PPFIA2: variants seen among roughly 807,000 people sequenced by gnomAD.
The protein encoded by PPFIA2 is liprin-alpha-2.
A neutral mutation model predicts 175.5 loss-of-function variants in PPFIA2; 46 were observed. The ratio of observed to expected loss-of-function variants is 0.26; its 90% confidence interval spans 0.21 to 0.34. The LOEUF is 0.34. PPFIA2 is among the 10% of genes least tolerant of loss of function. PPFIA2 has a pLI of 1.00. For synonymous variants in PPFIA2, 568 were observed against 511.4 expected, an observed-to-expected ratio of 1.11 and a Z score of -1.49; for missense variants, 1,179 against 1,506.1, an observed-to-expected ratio of 0.78 and a Z score of 3.60.
chr12:81,471,857 G>A (rs2056785811), intron 4 of PPFIA2, among the ~76,000 whole-genome samples: 1 of 152,204 alleles, frequency 6.6e-6, no homozygotes. Flanking sequence ...ACAGGTACTA[G>A]GTGACATAAG....
chr12:81,697,024 C>G (rs2075974820), intron 3 of PPFIA2, among the ~76,000 whole-genome samples: 1 of 152,024 alleles, frequency 6.6e-6, no homozygotes, highest in Admixed American at 6.6e-5. Context: ...AGTCTAGAAG[C>G]TTCTTTGTCA....
chr12:81,376,844 C>A (rs912178608), intron 9 of PPFIA2, among the ~76,000 whole-genome samples: 8 of 152,118 alleles, frequency 5.3e-5, no homozygotes, highest in Non-Finnish European at 1.0e-4. Flanking sequence ...TATCCAGAAT[C>A]ATTTCATCAC....
At chr12:81,677,650 C>T (rs562410696) in intron 3 of PPFIA2, among the ~76,000 whole-genome samples, 1 of 151,918 alleles carries the variant, frequency 6.6e-6, no homozygotes, top group South Asian at 2.1e-4. Context: ...CAGGATCATC[C>T]ATGCTGTTGC....
At chr12:81,339,432 G>T in intron 20 of PPFIA2, 98 bp from the exon 21 acceptor site, 2 of 978,456 alleles carry the variant, frequency 2.0e-6, no homozygotes, top group Non-Finnish European at 1.3e-6. Flanking sequence ...AAGCAGACTT[G>T]TAATGTTGTT....
intron 4 of PPFIA2, among the ~76,000 whole-genome samples, chr12:81,508,311 C>G (rs540188059): frequency 6.6e-6 from 1 of 151,912 alleles, no homozygotes; most frequent in South Asian, 2.1e-4. Flanking sequence ...CACCTGAGGT[C>G]GGGAGGTCGA....
intron 4 of PPFIA2, among the ~76,000 whole-genome samples, chr12:81,598,907 C>T (rs2059525612): frequency 6.6e-6 from 1 of 151,772 alleles, no homozygotes; most frequent in Non-Finnish European, 1.5e-5. Flanking sequence ...CAAAAAGTAC[C>T]ACATATTTGT....
At chr12:81,743,638 A>G (rs1428022166) in intron 3 of PPFIA2, among the ~76,000 whole-genome samples, 1 of 152,044 alleles carries the variant, frequency 6.6e-6, no homozygotes, top group African/African-American at 2.4e-5. Flanking sequence ...AGGAATAGCA[A>G]GGAGGGATGA....
At chr12:81,417,262 A>C (rs1331786471) in intron 7 of PPFIA2, 2 of 151,726 alleles carry the variant, frequency 1.3e-5, no homozygotes, top group African/African-American at 4.8e-5. Context: ...AATCTCTCTG[A>C]AGATGGACTT....
chr12:81,597,145 A>G (rs2059332395), intron 4 of PPFIA2, among the ~76,000 whole-genome samples: 1 of 152,116 alleles, frequency 6.6e-6, no homozygotes, highest in Non-Finnish European at 1.5e-5. Context: ...GGAAAAGAAT[A>G]TCAAGTTCCT....
At chr12:81,574,054 C>T (rs549207502) in intron 4 of PPFIA2, among the ~76,000 whole-genome samples, 9 of 151,952 alleles carry the variant, frequency 5.9e-5, no homozygotes, top group African/African-American at 1.9e-4. Flanking sequence ...ACAGATGGTA[C>T]TCAATTACAC....
At chr12:81,312,349 G>A (rs780187025) in intron 22 of PPFIA2, 23 of 614,660 alleles carry the variant, frequency 3.7e-5, no homozygotes, top group East Asian at 8.3e-5. Context: ...TACTCACTGC[G>A]TCGAAAAGCA....
intron 4 of PPFIA2, among the ~76,000 whole-genome samples, chr12:81,591,057 A>T (rs2058617717): frequency 6.6e-6 from 1 of 152,148 alleles, no homozygotes; most frequent in Admixed American, 6.6e-5. Context: ...ACTTTGACCA[A>T]AATGCTGATA....
chr12:81,506,815 A>AT (rs1567113830), intron 4 of PPFIA2, among the ~76,000 whole-genome samples: 1 of 152,214 alleles, frequency 6.6e-6, no homozygotes. Flanking sequence ...CTCAACTCTG[A>AT]TGTTATAGCA....
intron 22 of PPFIA2, among the ~76,000 whole-genome samples, chr12:81,317,926 C>T (rs1036952503): frequency 1.3e-5 from 2 of 151,648 alleles, no homozygotes; most frequent in African/African-American, 4.8e-5. Flanking sequence ...CTACTATGTA[C>T]ATATGCCTGT....
chr12:81,487,110 A>C (rs1415301607), intron 4 of PPFIA2, among the ~76,000 whole-genome samples: 1 of 151,902 alleles, frequency 6.6e-6, no homozygotes, highest in Non-Finnish European at 1.5e-5. Flanking sequence ...ACAGTGTGTT[A>C]AGCTTTGGAG....
chr12:81,698,369 A>G (rs1367226931), intron 3 of PPFIA2, among the ~76,000 whole-genome samples: 1 of 151,998 alleles, frequency 6.6e-6, no homozygotes, highest in Non-Finnish European at 1.5e-5. Flanking sequence ...TCATGCTCTC[A>G]CTCTTAAACA....
intron 4 of PPFIA2, among the ~76,000 whole-genome samples, chr12:81,469,249 AACTGAC>A (rs1324879540): frequency 1.4e-4 from 21 of 152,206 alleles, no homozygotes; most frequent in Non-Finnish European, 2.8e-4. Flanking sequence ...AAATTTTAAA[AACTGAC>A]ACTTTGATTA....
intron 30 of PPFIA2, among the ~76,000 whole-genome samples, chr12:81,266,702 T>G (rs1417763756): frequency 2.6e-5 from 4 of 152,194 alleles, no homozygotes; most frequent in Admixed American, 6.5e-5. Flanking sequence ...TCACGACTCA[T>G]AAAAATGTTT....
intron 4 of PPFIA2, among the ~76,000 whole-genome samples, chr12:81,552,813 T>G (rs533631287): frequency 6.6e-6 from 1 of 152,232 alleles, no homozygotes; most frequent in East Asian, 1.9e-4. Flanking sequence ...GTAGCTTTAG[T>G]CATTTTTGAT....
Sources: gnomAD v4.1 joint callset for allele counts (sites outside exome capture counted in the v4.1 genomes callset) on GRCh38, gnomAD v4.1.1 for gene constraint, MANE v1.5 for transcripts, NCBI Gene and HGNC (gene_info 2026-07-23, HGNC 2026-07-21) for gene names.